The following DHX15 variants were observed in gnomAD, a reference collection of about 807,000 sequenced individuals.
DHX15 encodes DEAH-box helicase 15, also known as ATP-dependent RNA helicase DHX15.
A neutral mutation model predicts 94.4 loss-of-function variants in DHX15; 11 were observed. That is an observed-to-expected ratio of 0.12 (90% confidence interval 0.07 to 0.19). The LOEUF (loss-of-function observed/expected upper bound fraction) is 0.19, where lower values mean the gene tolerates loss of function less well. Ranked by LOEUF, DHX15 falls within the 10% of genes least tolerant of loss-of-function variation. The pLI is 1.00. For synonymous variants in DHX15, 338 were observed against 329.9 expected, an observed-to-expected ratio of 1.02 and a Z score of -0.27; for missense variants, 304 against 988.5, an observed-to-expected ratio of 0.31 and a Z score of 9.29.
chr4:24,579,705 T>C (rs1722362703), intron 1 of DHX15, among the ~76,000 whole-genome samples: 1 of 152,220 alleles, frequency 6.6e-6, no homozygotes, highest in South Asian at 2.1e-4. Flanking sequence ...TGAGTTAATA[T>C]ATGTGATGTG....
At chr4:24,553,766 C>T (rs756414247) in intron 5 of DHX15, among the ~76,000 whole-genome samples, 8 of 151,932 alleles carry the variant, frequency 5.3e-5, no homozygotes, top group South Asian at 2.1e-4. Context: ...TGACAGAGCG[C>T]GACTCTGTCT....
intron 3 of DHX15, among the ~76,000 whole-genome samples, chr4:24,566,617 G>C (rs1230806819): frequency 6.6e-6 from 1 of 152,140 alleles, no homozygotes; most frequent in Non-Finnish European, 1.5e-5. Context: ...CTTGACGTCA[G>C]GAGTTTGAGA....
intron 3 of DHX15, among the ~76,000 whole-genome samples, chr4:24,565,711 T>C (rs535275406): frequency 6.6e-6 from 1 of 152,192 alleles, no homozygotes; most frequent in South Asian, 2.1e-4. Context: ...CTGGGTTAAC[T>C]GGTTAAAAAG....
intron 1 of DHX15, among the ~76,000 whole-genome samples, chr4:24,580,342 G>T (rs1202508795): frequency 6.6e-6 from 1 of 152,014 alleles, no homozygotes; most frequent in African/African-American, 2.4e-5. Context: ...TGGAATTTGA[G>T]ACTGCAGTGA....
chr4:24,541,376 G>T (rs777144120), intron 8 of DHX15, among the ~76,000 whole-genome samples: 1 of 152,098 alleles, frequency 6.6e-6, no homozygotes, highest in African/African-American at 2.4e-5. Flanking sequence ...AACTTTTGCA[G>T]TATCACAGTG....
chr4:24,565,137 A>T (rs1312083626), intron 3 of DHX15, among the ~76,000 whole-genome samples: 1 of 152,170 alleles, frequency 6.6e-6, no homozygotes, highest in African/African-American at 2.4e-5. Context: ...AGCTAGAATG[A>T]ATGTGTAGGG....
At chr4:24,532,788 G>A (rs1156776525) in intron 12 of DHX15, 76 bp downstream of exon 12, 1 of 1,153,682 alleles carries the variant, frequency 8.7e-7, no homozygotes, top group Non-Finnish European at 1.2e-6. Context: ...TTGCTTTTGA[G>A]TGGATTCAAA....
chr4:24,553,147 A>G (rs1002323661), intron 5 of DHX15, among the ~76,000 whole-genome samples: 1 of 151,896 alleles, frequency 6.6e-6, no homozygotes, highest in African/African-American at 2.4e-5. Context: ...ACACGGAGAA[A>G]CCCCATCTCT....
chr4:24,541,016 A>G (rs1721295928), intron 8 of DHX15, 68 bp from the exon 9 acceptor site: 1 of 875,134 alleles, frequency 1.1e-6, no homozygotes, highest in African/African-American at 1.7e-5. Context: ...CCAGAAAACA[A>G]AAATCTGCTG....
At chr4:24,580,852 C>T (rs1261984302) in intron 1 of DHX15, 2 of 151,734 alleles carry the variant, frequency 1.3e-5, no homozygotes, top group East Asian at 1.9e-4. Context: ...ATCTTATTTC[C>T]AGGAACCTCT....
chr4:24,554,149 C>T (rs946050023), intron 5 of DHX15, among the ~76,000 whole-genome samples: 1 of 151,952 alleles, frequency 6.6e-6, no homozygotes, highest in Non-Finnish European at 1.5e-5. Flanking sequence ...ACCCAGAAGG[C>T]GGAGCTTGCG....
intron 1 of DHX15, among the ~76,000 whole-genome samples, chr4:24,578,996 C>T (rs746934941): frequency 6.6e-5 from 10 of 152,048 alleles, no homozygotes; most frequent in Non-Finnish European, 8.8e-5. Flanking sequence ...AAAGTAATAC[C>T]TATACTAACA....
intron 5 of DHX15, among the ~76,000 whole-genome samples, chr4:24,551,363 T>G (rs2109404355): frequency 6.6e-6 from 1 of 152,342 alleles, no homozygotes; most frequent in African/African-American, 2.4e-5. Flanking sequence ...TTAGGACATT[T>G]ACTTTATATT....
intron 12 of DHX15, 148 bp from the exon 13 acceptor site, chr4:24,529,918 T>G (rs1273605985): frequency 1.2e-6 from 1 of 813,992 alleles, no homozygotes; most frequent in Non-Finnish European, 2.0e-6. Context: ...AAAGCAGAGA[T>G]AAGCAAACTG....
chr4:24,562,130 T>TC (rs1553951277), intron 3 of DHX15, among the ~76,000 whole-genome samples: 2 of 16,362 alleles, frequency 1.2e-4, no homozygotes, highest in African/African-American at 2.8e-4. Context: ...AGACACTGTC[T>TC]CAAAAAAAAA....
intron 6 of DHX15, among the ~76,000 whole-genome samples, chr4:24,547,404 CA>C (rs1352967174): frequency 6.6e-6 from 1 of 152,092 alleles, no homozygotes; most frequent in African/African-American, 2.4e-5. Context: ...ATTTAAAACA[CA>C]AAAAGCAAAA....
rs745840042 is a variant in DHX15 at position 24,576,671 on chromosome 4, G to C, written c.79C>G (p.Arg27Gly). ...KKRAGTDGKD[R>G]DRDRDREDRS... ...TCTTCACGATCCCGGTCTCGATCTC[G>C]ATCCTTCCTAAAAACAAAAATTTAG... The change falls in exon 2 of 14, where the codon CGA (arginine) becomes GGA (glycine). Residue 27 changes from arginine (R) to glycine (G), a missense_variant. By Grantham distance (125) the Arg-to-Gly change is moderately radical (BLOSUM62 -2). Around this residue, in one of 9 missense-constraint regions of DHX15, gnomAD observed 143 missense variants for 200.5 expected, o/e 0.71. Coordinates refer to ENST00000336812, the MANE Select transcript of DHX15 (RefSeq NM_001358.3). 6.8e-6 allele frequency: 11 copies of C among 1,610,040 alleles called. No individual in the cohort carries two copies. Among genetic ancestry groups the C allele is most frequent in the Non-Finnish European group, 9.3e-6 (11 of 1,176,986 alleles).
At chr4:24,578,423 T>A (rs1293184038) in intron 1 of DHX15, among the ~76,000 whole-genome samples, 1 of 151,450 alleles carries the variant, frequency 6.6e-6, no homozygotes, top group Non-Finnish European at 1.5e-5. Flanking sequence ...ATGGTTCAAA[T>A]ACTTGACACC....
At chr4:24,531,982 T>C (rs920330741) in intron 12 of DHX15, among the ~76,000 whole-genome samples, 1 of 152,206 alleles carries the variant, frequency 6.6e-6, no homozygotes, top group Admixed American at 6.5e-5. Context: ...ACTGAGCCCA[T>C]CTGGCCTTAA....
Sources: gnomAD v4.1 joint callset for allele counts (sites outside exome capture counted in the v4.1 genomes callset) on GRCh38, gnomAD v4.1.1 for gene constraint, gnomAD v4.1.1 regional missense constraint, MANE v1.5 for transcripts, NCBI Gene and HGNC (gene_info 2026-07-23, HGNC 2026-07-21) for gene names.